The following BOP1 variants were observed in gnomAD, a reference collection of about 807,000 sequenced individuals.
BOP1 encodes the protein ribosome biogenesis protein BOP1.
A neutral mutation model predicts 82.9 loss-of-function variants in BOP1; 54 were observed. The ratio of observed to expected loss-of-function variants is 0.65; its 90% CI spans 0.52 to 0.82. The LOEUF is 0.82. BOP1 is among the 40% of genes least tolerant of loss of function. The probability of loss-of-function intolerance (pLI) is 0.00; values close to 1 mark genes in which losing one functional copy is unlikely to be tolerated. For missense variants in BOP1, 1,170 were observed against 1,072.0 expected (o/e 1.09, Z -1.28); for synonymous variants, 566 against 451.1 (o/e 1.25, Z -3.23).
chr8:144,269,358 G>A (rs911616182), intron 3 of BOP1, among the ~76,000 whole-genome samples: 9 of 152,190 alleles, frequency 5.9e-5, no homozygotes, highest in Non-Finnish European at 1.2e-4. Flanking sequence ...TCAGGGCGGC[G>A]GCCGGCCCCA....
At chr8:144,263,446 CT>C (rs1845280712) in intron 11 of BOP1, 31 bp downstream of exon 11, 1 of 1,597,770 alleles carries the variant, frequency 6.3e-7, no homozygotes, top group Admixed American at 1.7e-5. Flanking sequence ...AGTGCCACCC[CT>C]GGCTCCCCAG....
chr8:144,285,463 G>T (rs555235079), intron 2 of BOP1, among the ~76,000 whole-genome samples: 2 of 152,176 alleles, frequency 1.3e-5, no homozygotes, highest in Non-Finnish European at 1.5e-5. Context: ...TGGCAGAAGA[G>T]AAATTAGCAA....
chr8:144,264,978 G>T lies in BOP1; in HGVS notation c.484C>A (p.Pro162Thr). The change falls in exon 4 of 16, where the codon CCC (proline) becomes ACC (threonine). Residue 162 changes from proline (P) to threonine (T), a missense_variant. Coordinates refer to ENST00000569669, the MANE Select transcript of BOP1 (RefSeq NM_015201.5). ...TCCAGCTCATCCCGGGTCCGCAGGG[G>T]CTTGTAGATGCGCCTGCCATCCAGG... ...YDLDGRRIYK[P>T]LRTRDELDQF... is the part of the protein sequence containing the mutation. 6.2e-7 allele frequency: 1 copy of T among 1,612,418 alleles called. No individual in the cohort carries two copies. The highest frequency in any genetic ancestry group is 8.5e-7 in the Non-Finnish European group (1 of 1,179,762).
chr8:144,291,188 G>C lies in BOP1; in HGVS notation c.99+84C>G. ...GGGCGCGGGCGCCCAGGTGACAGAA[G>C]CCGGGCCCACCCGCCCCAGCGCGGC... On this transcript the variant is annotated intron_variant, in intron 1 of 15. Coordinates refer to ENST00000569669, the MANE Select transcript of BOP1 (RefSeq NM_015201.5). The surrounding 1 kb of genome is among the most constrained non-coding windows in gnomAD (Gnocchi z 4.1). 1 of 1,227,194 alleles carries C rather than the reference G, an allele frequency of 8.1e-7. No individual in the cohort carries two copies. Among genetic ancestry groups the C allele is most frequent in the Non-Finnish European group, 1.0e-6 (1 of 962,324 alleles). 76.0% of individuals were successfully genotyped at this position (1,227,194 alleles called of 1,614,324 possible).
chr8:144,276,696 C>A (rs1845572098), intron 2 of BOP1, among the ~76,000 whole-genome samples: 1 of 152,242 alleles, frequency 6.6e-6, no homozygotes, highest in Non-Finnish European at 1.5e-5. Context: ...CCCAGGGGCC[C>A]CACATGGCGC....
chr8:144,269,650 C>G (rs1326117258), intron 3 of BOP1, among the ~76,000 whole-genome samples: 1 of 152,230 alleles, frequency 6.6e-6, no homozygotes, highest in African/African-American at 2.4e-5. Context: ...CCCAAATTTC[C>G]TCTCCCTAAT....
intron 2 of BOP1, among the ~76,000 whole-genome samples, chr8:144,276,918 A>T (rs1845575479): frequency 6.6e-6 from 1 of 152,024 alleles, no homozygotes; most frequent in Non-Finnish European, 1.5e-5. Context: ...GCGTTCTCCC[A>T]CCCACCACGT....
intron 3 of BOP1, chr8:144,268,195 C>T (rs1386048264): frequency 6.5e-6 from 10 of 1,547,982 alleles, no homozygotes; most frequent in South Asian, 1.2e-5. Flanking sequence ...GGTGGACGCC[C>T]GGGGTGACTG....
At chr8:144,276,138 G>A (rs1807910733) in intron 3 of BOP1, 86 bp downstream of exon 3, 10 of 1,522,458 alleles carry the variant, frequency 6.6e-6, no homozygotes, top group East Asian at 2.3e-5. Flanking sequence ...CACCCCCAGG[G>A]CAACCCCAGC....
intron 3 of BOP1, among the ~76,000 whole-genome samples, chr8:144,275,824 G>C (rs1023646510): frequency 6.6e-6 from 1 of 151,752 alleles, no homozygotes; most frequent in African/African-American, 2.4e-5. Flanking sequence ...CAGCACACAC[G>C]ACAGGGGCAC....
intron 3 of BOP1, chr8:144,265,968 A>T (rs1340769346): frequency 6.6e-6 from 1 of 152,664 alleles, no homozygotes; most frequent in Non-Finnish European, 1.5e-5. Flanking sequence ...AGTCTGTGCC[A>T]AGCCTGGAGA....
chr8:144,264,955 C>T lies in BOP1; in HGVS notation c.507G>A (p.Leu169=). The change falls in exon 4 of 16, where the codon CTG becomes CTA. Residue 169 remains leucine, a synonymous_variant. Coordinates refer to ENST00000569669, the MANE Select transcript of BOP1 (RefSeq NM_015201.5). Reference sequence around the variant, plus strand: ...CGTCCATCTTGTCCAGGAACTGGTCCAGCTCATCCCGGGTCCGCAGGGGCT... The same window carrying T: ...CGTCCATCTTGTCCAGGAACTGGTCTAGCTCATCCCGGGTCCGCAGGGGCT... ...IYKPLRTRDE[L]DQFLDKMDDP... The T allele has an allele frequency of 1.9e-6, 3 of 1,612,358 alleles. No homozygotes were observed. The highest frequency in any genetic ancestry group is 1.1e-5 in the South Asian group (1 of 91,064).
chr8:144,291,393 A>C lies in BOP1; in HGVS notation c.-23T>G. On this transcript the variant is annotated 5_prime_UTR_variant, in exon 1 of 16. Transcript: ENST00000569669. The surrounding 1 kb of genome is among the most constrained non-coding windows in gnomAD (Gnocchi z 4.1). ...CATGCCCCACCGCGCGCCGGCCGCC[A>C]CCCGCACAGCCGCTTCCGACAGCGA... 8.6e-7 allele frequency: 1 copy of C among 1,168,148 alleles called. No homozygotes were observed. The highest frequency in any genetic ancestry group is 1.1e-6 in the Non-Finnish European group (1 of 951,172). The allele number at this position is 1,168,148 out of a possible 1,614,324, so 72.4% of individuals were successfully genotyped here.
chr8:144,268,315 C>A, intron 3 of BOP1: 1 of 918,302 alleles, frequency 1.1e-6, no homozygotes, highest in Non-Finnish European at 1.6e-6. Context: ...TACAGACAGG[C>A]GCCGGCAGCG....
At chr8:144,274,735 G>C (rs1845543042) in intron 3 of BOP1, among the ~76,000 whole-genome samples, 1 of 152,254 alleles carries the variant, frequency 6.6e-6, no homozygotes, top group Admixed American at 6.5e-5. Context: ...CACCCGGCAG[G>C]CGGCGGTGGC....
At chr8:144,277,820 G>GGCAGGGGCAGTGCA (rs1554838467) in intron 2 of BOP1, among the ~76,000 whole-genome samples, 1 of 145,516 alleles carries the variant, frequency 6.9e-6, no homozygotes, top group Non-Finnish European at 1.6e-5. Context: ...GGGGCGGTGC[G>GGCAGGGGCAGTGCA]GGCAGGGGCG....
chr8:144,279,856 C>A (rs1414544542), intron 2 of BOP1, among the ~76,000 whole-genome samples: 2 of 152,100 alleles, frequency 1.3e-5, no homozygotes. Flanking sequence ...GACAGGGGTA[C>A]CCTTCGTGAA....
In BOP1 at chr8:144,264,733, A is replaced by C. The variant is rs1390917331; in HGVS notation, c.644T>G (p.Val215Gly). Residue 215 changes from valine to glycine, a missense_variant, in exon 5 of 16, where the codon GTG becomes GGG. Transcript: ENST00000569669. ...ACCTACCTCATAGGGGTTGAAGCCC[A>C]CATCCCCAAACTGGCCACTCTGCAG... ...RRLQSGQFGD[V>G]GFNPYEPAVD... is the part of the protein sequence containing the mutation. 5.7e-6 allele frequency: 9 copies of C among 1,581,542 alleles called. No individual in the cohort carries two copies. The highest frequency in any genetic ancestry group is 7.7e-6 in the Non-Finnish European group (9 of 1,164,754).
intron 2 of BOP1, among the ~76,000 whole-genome samples, chr8:144,286,968 C>T (rs781831637): frequency 1.3e-5 from 2 of 152,248 alleles, no homozygotes; most frequent in African/African-American, 2.4e-5. Context: ...TCCGCAGACA[C>T]CTCTAGTACC....
Sources: gnomAD v4.1 joint callset for allele counts (sites outside exome capture counted in the v4.1 genomes callset) on GRCh38, gnomAD v4.1.1 for gene constraint, Gnocchi (gnomAD v3.1) non-coding constraint, MANE v1.5 for transcripts, NCBI Gene and HGNC (gene_info 2026-07-23, HGNC 2026-07-21) for gene names.